Variants in ASH1L observed in about 807,000 individuals in gnomAD.
The protein encoded by ASH1L is ASH1 like histone lysine methyltransferase.
A neutral mutation model predicts 269.0 loss-of-function variants in ASH1L; 23 were observed. The observed-to-expected ratio is 0.09, with a 90% CI of 0.06 to 0.12. The LOEUF (loss-of-function observed/expected upper bound fraction) is 0.12. ASH1L is among the 10% of genes least tolerant of loss of function. The pLI is 1.00. For synonymous variants in ASH1L, 1,187 were observed against 1,253.5 expected (o/e 0.95, Z 1.12); for missense variants, 2,912 against 3,567.8 (o/e 0.82, Z 4.68).
At chr1:155,475,972 T>C (rs1445046927) in intron 3 of ASH1L, among the ~76,000 whole-genome samples, 1 of 150,644 alleles carries the variant, frequency 6.6e-6, no homozygotes, top group East Asian at 1.9e-4. Flanking sequence ...TCATTCTCTA[T>C]TATATAACAA....
rs1433957067 is a variant in ASH1L at position 155,380,035 on chromosome 1, C to T, written c.6177+8G>A. 1 of 1,605,212 alleles carries T rather than the reference C, an allele frequency of 6.2e-7. No individual in the cohort carries two copies. The highest frequency in any genetic ancestry group is 8.5e-7 in the Non-Finnish European group (1 of 1,172,584). On this transcript the variant is annotated splice_region_variant and intron_variant, in intron 8 of 27. Coordinates refer to ENST00000392403, the MANE Select transcript of ASH1L (RefSeq NM_018489.3). ...AGAATGAAACCTGGTAAAACAGGCT[C>T]TCTGTACCTGATTGTGTTTCCACTG...
At chr1:155,462,947 A>G (rs1312468964) in intron 3 of ASH1L, among the ~76,000 whole-genome samples, 1 of 152,202 alleles carries the variant, frequency 6.6e-6, no homozygotes, top group Non-Finnish European at 1.5e-5. Context: ...AAAAACATTA[A>G]CGATATAAAG....
intron 17 of ASH1L, among the ~76,000 whole-genome samples, chr1:155,350,314 G>T (rs1226758864): frequency 6.6e-6 from 1 of 152,112 alleles, no homozygotes; most frequent in South Asian, 2.1e-4. Flanking sequence ...GAGCCACTGC[G>T]CCTGGCCAAA....
At chr1:155,463,792 TTAATAA>T (rs1053452588) in intron 3 of ASH1L, among the ~76,000 whole-genome samples, 12 of 151,696 alleles carry the variant, frequency 7.9e-5, no homozygotes, top group Admixed American at 2.6e-4. Context: ...GACCCTTGCC[TTAATAA>T]TAATAATAAT....
intron 20 of ASH1L, among the ~76,000 whole-genome samples, chr1:155,347,299 CGA>C (rs994389688): frequency 6.6e-6 from 1 of 152,070 alleles, no homozygotes; most frequent in African/African-American, 2.4e-5. Context: ...CCCAGCTACT[CGA>C]GAGGCTGAGG....
At chr1:155,428,105 CCAGTCT>C (rs1220013545) in intron 5 of ASH1L, among the ~76,000 whole-genome samples, 4 of 152,024 alleles carry the variant, frequency 2.6e-5, no homozygotes, top group Admixed American at 2.6e-4. Context: ...TATAAATTAC[CCAGTCT>C]CAGGTATTTA....
intron 5 of ASH1L, chr1:155,433,637 C>T: frequency 6.2e-7 from 1 of 1,607,840 alleles, no homozygotes; most frequent in Admixed American, 1.7e-5. Flanking sequence ...TGCCAAGCTC[C>T]TGAAGCAGAA....
chr1:155,496,359 C>G (rs565481411), intron 2 of ASH1L, among the ~76,000 whole-genome samples: 2 of 152,144 alleles, frequency 1.3e-5, no homozygotes, highest in African/African-American at 2.4e-5. Context: ...AACATGATTA[C>G]GCAGCACGCG....
At chr1:155,541,762 T>A (rs1340944141) in intron 1 of ASH1L, among the ~76,000 whole-genome samples, 1 of 152,156 alleles carries the variant, frequency 6.6e-6, no homozygotes, top group Admixed American at 6.6e-5. Flanking sequence ...ACCATATTTT[T>A]AGGGGTGAGG....
rs10430446 is a variant in ASH1L at position 155,513,944 on chromosome 1, T to C, written c.420+7156A>G. 9.7e-4 allele frequency among the ~76,000 whole-genome samples: 148 copies of C among 152,292 alleles called. 2 individuals are homozygous for C. In the East Asian group the frequency reaches 0.025, roughly 26 times the overall value. On this transcript the variant is annotated intron_variant, in intron 2 of 27. Coordinates refer to ENST00000392403, the MANE Select transcript of ASH1L (RefSeq NM_018489.3). ...GAATGAACAAAATTTGGTATATACA[T>C]ACACTGGAATATTATTCAGCCTTAA...
At chr1:155,457,508 C>T (rs1179789691) in intron 4 of ASH1L, among the ~76,000 whole-genome samples, 6 of 152,168 alleles carry the variant, frequency 3.9e-5, no homozygotes, top group African/African-American at 1.4e-4. Context: ...GTCCCACTTG[C>T]CTACTTAAGT....
intron 1 of ASH1L, among the ~76,000 whole-genome samples, chr1:155,528,590 TGAGGA>T (rs995330541): frequency 2.6e-5 from 4 of 152,278 alleles, no homozygotes; most frequent in African/African-American, 9.6e-5. Context: ...TGCCTCTTAC[TGAGGA>T]GAGGTCAATC....
chr1:155,539,887 C>T (rs1385078099), intron 1 of ASH1L, among the ~76,000 whole-genome samples: 4 of 151,786 alleles, frequency 2.6e-5, no homozygotes, highest in Non-Finnish European at 5.9e-5. Context: ...AAGACCTCAT[C>T]TCCACTAAAA....
chr1:155,531,343 T>C (rs1669661470), intron 1 of ASH1L, among the ~76,000 whole-genome samples: 1 of 152,150 alleles, frequency 6.6e-6, no homozygotes, highest in Non-Finnish European at 1.5e-5. Flanking sequence ...AATGAAGAAT[T>C]TCAGCATTTT....
intron 4 of ASH1L, among the ~76,000 whole-genome samples, chr1:155,447,197 C>T (rs767924811): frequency 6.6e-6 from 1 of 152,128 alleles, no homozygotes; most frequent in Non-Finnish European, 1.5e-5. Context: ...TCTGCAAACA[C>T]CCTGTAATGG....
At chr1:155,427,684 C>A (rs1031182346) in intron 5 of ASH1L, among the ~76,000 whole-genome samples, 1 of 152,154 alleles carries the variant, frequency 6.6e-6, no homozygotes, top group African/African-American at 2.4e-5. Context: ...GGTGATCCAC[C>A]CACCTCGGCC....
intron 1 of ASH1L, among the ~76,000 whole-genome samples, chr1:155,539,321 ACT>A (rs2148885597): frequency 6.6e-6 from 1 of 151,944 alleles, no homozygotes; most frequent in South Asian, 2.1e-4. Context: ...CAATTCTCCC[ACT>A]GACTTGTCCA....
chr1:155,544,941 G>C (rs1670685439), intron 1 of ASH1L, among the ~76,000 whole-genome samples: 1 of 151,610 alleles, frequency 6.6e-6, no homozygotes, highest in African/African-American at 2.4e-5. Flanking sequence ...GGGAGGCTGA[G>C]GCGGGCGGAT....
intron 2 of ASH1L, among the ~76,000 whole-genome samples, chr1:155,493,883 T>C (rs888558588): frequency 1.3e-5 from 2 of 151,306 alleles, no homozygotes; most frequent in Admixed American, 6.6e-5. Context: ...CAAAAAAAAA[T>C]TTTTTTTTCA....
Sources: gnomAD v4.1 joint callset for allele counts (sites outside exome capture counted in the v4.1 genomes callset) on GRCh38, gnomAD v4.1.1 for gene constraint, MANE v1.5 for transcripts, NCBI Gene and HGNC (gene_info 2026-07-23, HGNC 2026-07-21) for gene names.